Variants in INPP5A observed in about 807,000 individuals in gnomAD.
The protein encoded by INPP5A is 43 kDa inositol polyphosphate 5-phophatase.
Under a neutral mutation model 65.2 loss-of-function variants are expected in INPP5A, and 14 were observed. The observed-to-expected ratio is 0.21, with a 90% CI of 0.14 to 0.34. INPP5A has a LOEUF of 0.34. INPP5A is among the 10% of genes least tolerant of loss of function. INPP5A has a pLI of 1.00. For synonymous variants in INPP5A, 207 were observed against 208.3 expected, an observed-to-expected ratio of 0.99 and a Z score of 0.05; for missense variants, 431 against 545.6, an observed-to-expected ratio of 0.79 and a Z score of 2.09.
chr10:132,686,519 T>C (rs1411437628), intron 4 of INPP5A, among the ~76,000 whole-genome samples: 2 of 152,314 alleles, frequency 1.3e-5, no homozygotes, highest in East Asian at 3.9e-4. Flanking sequence ...TGTCCTGGTG[T>C]CTGTGATAAA....
At chr10:132,567,407 G>C (rs2071285874) in intron 1 of INPP5A, among the ~76,000 whole-genome samples, 2 of 152,222 alleles carry the variant, frequency 1.3e-5, no homozygotes, top group Admixed American at 1.3e-4. Context: ...CGGCCTCCCA[G>C]AATGCTGGGA....
chr10:132,639,429 CTG>C (rs537837695), intron 2 of INPP5A, among the ~76,000 whole-genome samples: 214 of 151,648 alleles, frequency 1.4e-3, no homozygotes, highest in African/African-American at 4.9e-3. Context: ...TATGTGTGTT[CTG>C]TTACTTCTGT....
intron 6 of INPP5A, among the ~76,000 whole-genome samples, chr10:132,702,314 C>T (rs1417005688): frequency 6.6e-6 from 1 of 152,100 alleles, no homozygotes; most frequent in African/African-American, 2.4e-5. Flanking sequence ...CATTGTTTCT[C>T]GTTTTATTTA....
chr10:132,591,597 G>A (rs114883310), intron 1 of INPP5A, among the ~76,000 whole-genome samples: 4 of 152,242 alleles, frequency 2.6e-5, no homozygotes, highest in African/African-American at 4.8e-5. Flanking sequence ...CATTGGAAGC[G>A]GGCCTTCTCT....
intron 2 of INPP5A, among the ~76,000 whole-genome samples, chr10:132,628,355 A>T (rs1328379634): frequency 6.9e-6 from 1 of 144,558 alleles, no homozygotes; most frequent in Non-Finnish European, 1.5e-5. Flanking sequence ...GACAGAGTGA[A>T]TTCCACCGGG....
chr10:132,769,386 A>AC (rs1846910352), intron 12 of INPP5A, among the ~76,000 whole-genome samples: 1 of 152,134 alleles, frequency 6.6e-6, no homozygotes, highest in African/African-American at 2.4e-5. Flanking sequence ...GGCTGGCCAG[A>AC]CCTTGGGCTG....
chr10:132,628,467 G>C lies in INPP5A; in HGVS notation c.118-17401G>C, dbSNP rs1192896498. On this transcript the variant is annotated intron_variant, in intron 2 of 15. Transcript: ENST00000368594. ...CCTCCAGATGTGCTCTGGTGGCGGG[G>C]GGGGGGGGGGGCGTGGCGTGGGGGA... is the stretch of plus-strand genomic sequence containing the variant. Among the ~76,000 whole-genome samples the C allele has an allele frequency of 2.2e-4, 32 of 143,554 alleles. No individual in the cohort carries two copies. In the South Asian group the frequency reaches 4.9e-3, roughly 22 times the overall value. The allele number at this position is 143,554 out of a possible 152,430, so 94.2% of individuals were successfully genotyped here. A position where few individuals can be genotyped will look rare whatever the true frequency, so the allele number is the denominator to read the frequency against.
At chr10:132,745,145 A>C (rs995676182) in intron 9 of INPP5A, among the ~76,000 whole-genome samples, 1 of 152,116 alleles carries the variant, frequency 6.6e-6, no homozygotes, top group South Asian at 2.1e-4. Context: ...GGAGGGCGCT[A>C]TGGCCTGTCA....
At chr10:132,557,417 C>A (rs1002304433) in intron 1 of INPP5A, among the ~76,000 whole-genome samples, 1 of 152,250 alleles carries the variant, frequency 6.6e-6, no homozygotes, top group African/African-American at 2.4e-5. Context: ...GCAGAGGAGC[C>A]CCCATGCAGA....
intron 4 of INPP5A, among the ~76,000 whole-genome samples, chr10:132,653,067 C>T (rs978062558): frequency 1.1e-4 from 16 of 152,302 alleles, no homozygotes; most frequent in African/African-American, 3.8e-4. Context: ...CAGTGGTGGA[C>T]GCAGCCACCG....
intron 2 of INPP5A, among the ~76,000 whole-genome samples, chr10:132,619,274 C>T (rs2072081674): frequency 6.6e-6 from 1 of 152,240 alleles, no homozygotes; most frequent in African/African-American, 2.4e-5. Flanking sequence ...CTATAGCCCC[C>T]AGGCGAGTTT....
chr10:132,745,727 C>T (rs570643910), intron 9 of INPP5A, among the ~76,000 whole-genome samples: 119 of 148,064 alleles, frequency 8.0e-4, no homozygotes, highest in African/African-American at 2.1e-3. Context: ...TGGTGGGCTT[C>T]GGGCGTGGTG....
At chr10:132,667,836 A>G (rs1034240841) in intron 4 of INPP5A, among the ~76,000 whole-genome samples, 4 of 152,330 alleles carry the variant, frequency 2.6e-5, no homozygotes, top group Middle Eastern at 6.8e-3. Flanking sequence ...AACTGGCGGC[A>G]TGCGGGGACA....
At chr10:132,708,198 A>G (rs1307862899) in intron 6 of INPP5A, 115 bp from the exon 7 acceptor site, 1 of 852,682 alleles carries the variant, frequency 1.2e-6, no homozygotes, top group African/African-American at 1.7e-5. Context: ...GTGCCGGAAG[A>G]GCCCTGCTGT....
intron 4 of INPP5A, among the ~76,000 whole-genome samples, chr10:132,682,900 CA>C: frequency 6.7e-6 from 1 of 148,456 alleles, no homozygotes; most frequent in East Asian, 2.0e-4. Context: ...TGTGTGTACA[CA>C]TGTGTGTGAT....
At chr10:132,759,813 C>G (rs569496583) in intron 11 of INPP5A, among the ~76,000 whole-genome samples, 7 of 152,166 alleles carry the variant, frequency 4.6e-5, no homozygotes, top group African/African-American at 1.7e-4. Context: ...CCCTGGCGTC[C>G]TCAGAGCCCC....
At chr10:132,736,781 A>C (rs1280608649) in intron 9 of INPP5A, among the ~76,000 whole-genome samples, 1 of 152,234 alleles carries the variant, frequency 6.6e-6, no homozygotes, top group Non-Finnish European at 1.5e-5. Flanking sequence ...AGCAGCTGTC[A>C]GCCAGTAGGT....
At chr10:132,772,726 GCCGCC>G (rs1846978659) in intron 12 of INPP5A, among the ~76,000 whole-genome samples, 2 of 28,342 alleles carry the variant, frequency 7.1e-5, no homozygotes, top group African/African-American at 1.8e-4. Context: ...GGCCACGGCA[GCCGCC>G]CCACGAAGAG....
rs1286406979 is a variant in INPP5A, at chr10:132,651,421, G to T, written c.306+916G>T. On this transcript the variant is annotated intron_variant, in intron 4 of 15. Coordinates refer to ENST00000368594, the MANE Select transcript of INPP5A (RefSeq NM_005539.5). The surrounding 1 kb of genome is among the most constrained non-coding windows in gnomAD (Gnocchi z 5.0). ...GGAGGCCCTGGGTCCCCCGGCCTGGGTCCATCTCCCCCGTCTCTGGGGAGG... is the reference window on the plus strand; with the variant it reads ...GGAGGCCCTGGGTCCCCCGGCCTGGTTCCATCTCCCCCGTCTCTGGGGAGG... Among the ~76,000 whole-genome samples, 1 of 117,326 alleles carries T rather than the reference G, an allele frequency of 8.5e-6. No individual in the cohort carries two copies. Among genetic ancestry groups the T allele is most frequent in the African/African-American group, 3.3e-5 (1 of 29,874 alleles). The allele number at this position is 117,326 out of a possible 152,430, so 77.0% of individuals were successfully genotyped here. A position where few individuals can be genotyped will look rare whatever the true frequency, so the allele number is the denominator to read the frequency against.
Sources: allele counts gnomAD v4.1 joint callset (sites outside exome capture counted in the v4.1 genomes callset), GRCh38; gene constraint gnomAD v4.1.1; non-coding constraint Gnocchi (gnomAD v3.1); transcripts MANE v1.5; gene names NCBI Gene and HGNC (gene_info 2026-07-23, HGNC 2026-07-21).